The following SYT7 variants were observed in gnomAD, a reference collection of about 807,000 sequenced individuals.
The protein encoded by SYT7 is synaptotagmin 7, also known as synaptotagmin-7.
SYT7 carries 29 observed loss-of-function variants against 75.1 expected under a neutral mutation model. The ratio of observed to expected loss-of-function variants is 0.39; its 90% CI spans 0.29 to 0.53. The LOEUF (loss-of-function observed/expected upper bound fraction) is 0.53, where lower values mean the gene tolerates loss of function less well. Among genes scored for constraint, SYT7 ranks in the 20% least tolerant of loss-of-function variants. The probability of loss-of-function intolerance (pLI) is 0.77; values close to 1 mark genes in which losing one functional copy is unlikely to be tolerated. For missense variants in SYT7, 693 were observed against 953.2 expected (o/e 0.73, Z 3.59); for synonymous variants, 376 against 401.7 (o/e 0.94, Z 0.76).
intron 7 of SYT7, among the ~76,000 whole-genome samples, chr11:61,534,843 T>TAC (rs10552302): frequency 0.013 from 1,885 of 147,766 alleles, 17 homozygotes; most frequent in Middle Eastern, 0.044. Context: ...ACGCACCACA[T>TAC]ACACACACAC....
chr11:61,538,095 C>T lies in SYT7; in HGVS notation c.1064+49G>A, dbSNP rs757949731. On this transcript the variant is annotated intron_variant, in intron 7 of 12. Transcript: ENST00000539008. Reference sequence around the variant, plus strand: ...CCGGTCGAGGCAGGCGGCCTCTCCGCGCCTCCTTCTCTGCCGCCGCCGCCG... The same window carrying T: ...CCGGTCGAGGCAGGCGGCCTCTCCGTGCCTCCTTCTCTGCCGCCGCCGCCG... The T allele has an allele frequency of 9.6e-5, 147 of 1,532,010 alleles. 4 individuals are homozygous for T. The South Asian group carries it at 1.6e-3, about 16-fold the overall frequency. 94.9% of individuals were successfully genotyped at this position (1,532,010 alleles called of 1,614,324 possible). A position where few individuals can be genotyped will look rare whatever the true frequency, so the allele number is the denominator to read the frequency against.
chr11:61,562,005 TGTGTGTGCGC>T (rs2063648206), intron 1 of SYT7, among the ~76,000 whole-genome samples: 1 of 151,504 alleles, frequency 6.6e-6, no homozygotes, highest in Admixed American at 6.6e-5. Flanking sequence ...CTTTTACAAG[TGTGTGTGCGC>T]GCATGCACAC....
In SYT7 at chr11:61,553,912, A is replaced by G. The variant is rs148101792; in HGVS notation, c.135+2192T>C. On this transcript the variant is annotated intron_variant, in intron 2 of 12. Coordinates refer to ENST00000539008, the MANE Select transcript of SYT7 (RefSeq NM_001365809.2). This position sits in a 1 kb window ranked among gnomAD's most constrained non-coding sequence, Gnocchi z 5.2. Reference sequence around the variant, plus strand: ...GGGACAGCGTTTTAAAGTCCCTTCCATGGAGCAAGGAGACAGCCTGATCAA... The same window carrying G: ...GGGACAGCGTTTTAAAGTCCCTTCCGTGGAGCAAGGAGACAGCCTGATCAA... Among the ~76,000 whole-genome samples, 5 of 152,292 alleles carry G rather than the reference A, an allele frequency of 3.3e-5. No homozygotes were observed. The highest frequency in any genetic ancestry group is 2.1e-4 in the South Asian group (1 of 4,826).
At chr11:61,552,396 G>A (rs551853937) in intron 2 of SYT7, among the ~76,000 whole-genome samples, 3 of 152,050 alleles carry the variant, frequency 2.0e-5, no homozygotes, top group Non-Finnish European at 4.4e-5. Flanking sequence ...GCGGGGTTTG[G>A]GGCTGCCTCT....
At chr11:61,538,342 A>G (rs1590868901) in intron 6 of SYT7, 76 bp from the exon 7 acceptor site, 3 of 848,854 alleles carry the variant, frequency 3.5e-6, no homozygotes, top group Non-Finnish European at 5.2e-6. Context: ...GGAAGGAGAG[A>G]GAGGGAGAGA....
chr11:61,544,570 G>A (rs1242923944), intron 5 of SYT7, among the ~76,000 whole-genome samples: 1 of 152,190 alleles, frequency 6.6e-6, no homozygotes, highest in Non-Finnish European at 1.5e-5. Flanking sequence ...AAGGCAGAGG[G>A]AGGGCGGCAC....
rs200117942 is a variant in SYT7 at position 61,517,822 on chromosome 11, A to AG, written c.*804dup. ...GGGAACTACTTCAGATTCTGAGCAG[A>AG]GGGGGGCACCAAGGGGAGAAGGGGA... On this transcript the variant is annotated 3_prime_UTR_variant, in exon 13 of 13. Transcript: ENST00000539008. 2.2e-3 allele frequency: 474 copies of AG among 212,702 alleles called. 2 individuals are homozygous for AG. Among genetic ancestry groups the AG allele is most frequent in the African/African-American group, 0.011 (440 of 39,634 alleles). 13.2% of individuals were successfully genotyped at this position (212,702 alleles called of 1,614,324 possible). A position where few individuals can be genotyped will look rare whatever the true frequency, so the allele number is the denominator to read the frequency against.
chr11:61,523,027 G>T lies in SYT7; in HGVS notation c.1956+48C>A. The T allele has an allele frequency of 6.3e-7, 1 of 1,598,820 alleles. No individual in the cohort carries two copies. The highest frequency in any genetic ancestry group is 8.6e-7 in the Non-Finnish European group (1 of 1,167,116). On this transcript the variant is annotated intron_variant, in intron 12 of 12. Transcript: ENST00000539008. The surrounding 1 kb of genome is among the most constrained non-coding windows in gnomAD (Gnocchi z 5.0). Reference sequence around the variant, plus strand: ...CCCGCTGCTTCTTTTAAGGAACGGAGCCTCACTGGTGCCAGCAGGTGCACC... The same window carrying T: ...CCCGCTGCTTCTTTTAAGGAACGGATCCTCACTGGTGCCAGCAGGTGCACC...
Position 61,561,129 on chromosome 11 carries a change from A to G in SYT7, c.32-4922T>C, listed in dbSNP as rs150255023. Among the ~76,000 whole-genome samples the G allele has an allele frequency of 2.1e-3, 325 of 152,296 alleles. 4 individuals carry two copies. Among genetic ancestry groups the G allele is most frequent in the South Asian group, 9.1e-3 (44 of 4,824 alleles). On this transcript the variant is annotated intron_variant, in intron 1 of 12. Coordinates refer to ENST00000539008, the MANE Select transcript of SYT7 (RefSeq NM_001365809.2). ...TTTCAAGTCCCCTTACTGTCAGCAT[A>G]TTAACACTGGGGGAAAGAAAATTTG...
At chr11:61,577,996 C>G (rs775148569) in intron 1 of SYT7, among the ~76,000 whole-genome samples, 35 of 152,126 alleles carry the variant, frequency 2.3e-4, no homozygotes, top group Non-Finnish European at 3.8e-4. Context: ...CAGGATGAAC[C>G]AGAGGGTGAA....
At chr11:61,540,743 G>A (rs2063016769) in intron 6 of SYT7, 3 of 985,570 alleles carry the variant, frequency 3.0e-6, no homozygotes, top group Non-Finnish European at 3.6e-6. Context: ...ACAGTCTGAG[G>A]TGGGGAGGAG....
rs1050958436 is a variant in SYT7, at chr11:61,546,169, G to A, written c.434C>T (p.Pro145Leu). Reference sequence around the variant, plus strand: ...GGCGTCCTCTCCGGGTGGCGGCACCGGTGCCGGCTTCTCCCCCAGCCGGCC... The same window carrying A: ...GGCGTCCTCTCCGGGTGGCGGCACCAGTGCCGGCTTCTCCCCCAGCCGGCC... ...REGRLGEKPA[P>L]VPPPGEDALR... is the part of the protein sequence containing the mutation. The change falls in exon 5 of 13, where the codon CCG becomes CTG. Residue 145 changes from proline (P) to leucine (L), a missense_variant. Physicochemically the swap from Pro to Leu is moderately conservative, Grantham distance 98. Coordinates refer to ENST00000539008, the MANE Select transcript of SYT7 (RefSeq NM_001365809.2). The surrounding 1 kb of genome is among the most constrained non-coding windows in gnomAD (Gnocchi z 7.6). 2.8e-5 allele frequency: 43 copies of A among 1,522,318 alleles called. No individual in the cohort carries two copies. Among genetic ancestry groups the A allele is most frequent in the South Asian group, 3.6e-5 (3 of 82,826 alleles). 94.3% of individuals were successfully genotyped at this position (1,522,318 alleles called of 1,614,324 possible).
intron 3 of SYT7, among the ~76,000 whole-genome samples, chr11:61,547,661 G>C (rs1298045152): frequency 6.6e-6 from 1 of 152,058 alleles, no homozygotes; most frequent in Non-Finnish European, 1.5e-5. Flanking sequence ...GGGGACAGAG[G>C]GGAGAAGGGT....
chr11:61,548,008 T>A (rs1317214290), intron 3 of SYT7, among the ~76,000 whole-genome samples: 39 of 152,172 alleles, frequency 2.6e-4, no homozygotes, highest in Admixed American at 2.6e-3. Context: ...CTTCCTCTGC[T>A]CTCTCTTCTA....
rs539624423 is a variant in SYT7 at position 61,553,067 on chromosome 11, C to A, written c.136-1604G>T. The stretch of plus-strand genomic sequence containing the variant: ...GGCCCCGCCCACCCTGGAGTCTGGG[C>A]CCCCAGCAGCGACCTCTAAGTCAGA... On this transcript the variant is annotated intron_variant, in intron 2 of 12. Coordinates refer to ENST00000539008, the MANE Select transcript of SYT7 (RefSeq NM_001365809.2). The surrounding 1 kb of genome is among the most constrained non-coding windows in gnomAD (Gnocchi z 5.2). Among the ~76,000 whole-genome samples the A allele has an allele frequency of 4.6e-5, 7 of 152,218 alleles. No homozygotes were observed. The East Asian group carries it at 9.7e-4, about 21-fold the overall frequency.
chr11:61,577,781 G>C (rs1345475642), intron 1 of SYT7, among the ~76,000 whole-genome samples: 1 of 152,226 alleles, frequency 6.6e-6, no homozygotes, highest in African/African-American at 2.4e-5. Context: ...AGAGGGCTGG[G>C]GGCAGGGCAG....
upstream of SYT7, among the ~76,000 whole-genome samples, chr11:61,584,394 CA>C (rs35108570): frequency 7.4e-5 from 10 of 135,732 alleles, no homozygotes; most frequent in Admixed American, 1.5e-4. Context: ...GACTCCGTCT[CA>C]AAAAAAAAAA....
Position 61,518,557 on chromosome 11 carries a change from T to G in SYT7, c.*70A>C. On this transcript the variant is annotated 3_prime_UTR_variant, in exon 13 of 13. Coordinates refer to ENST00000539008, the MANE Select transcript of SYT7 (RefSeq NM_001365809.2). Reference sequence around the variant, plus strand: ...TATGGCAGGGGGCTCAGGCCGGGCGTTGTGCATAAAGTGGTGAGGGCATGA... The same window carrying G: ...TATGGCAGGGGGCTCAGGCCGGGCGGTGTGCATAAAGTGGTGAGGGCATGA... The G allele has an allele frequency of 1.8e-6, 2 of 1,142,070 alleles. No homozygotes were observed. Among genetic ancestry groups the G allele is most frequent in the Non-Finnish European group, 2.4e-6 (2 of 820,380 alleles). The allele number at this position is 1,142,070 out of a possible 1,614,324, so 70.7% of individuals were successfully genotyped here.
chr11:61,545,443 C>A (rs1030747410), intron 5 of SYT7, among the ~76,000 whole-genome samples: 1 of 152,152 alleles, frequency 6.6e-6, no homozygotes, highest in Non-Finnish European at 1.5e-5. Flanking sequence ...GAGGATGAAC[C>A]GATGGGGCAG....
Sources: gnomAD v4.1 joint callset for allele counts (sites outside exome capture counted in the v4.1 genomes callset) on GRCh38, gnomAD v4.1.1 for gene constraint, Gnocchi (gnomAD v3.1) non-coding constraint, MANE v1.5 for transcripts, NCBI Gene and HGNC (gene_info 2026-07-23, HGNC 2026-07-21) for gene names.